The following USP37 variants were observed in gnomAD, a reference collection of about 807,000 sequenced individuals.
USP37 encodes ubiquitin carboxyl-terminal hydrolase 37.
In USP37, 27 loss-of-function variants were observed where a neutral mutation model predicts 124.0. The ratio of observed to expected loss-of-function variants is 0.22; its 90% CI spans 0.16 to 0.30. The LOEUF is 0.30. Ranked by LOEUF, USP37 falls within the 10% of genes least tolerant of loss-of-function variation. The probability of loss-of-function intolerance (pLI) is 1.00; values close to 1 mark genes in which losing one functional copy is unlikely to be tolerated. For missense variants in USP37, 889 were observed against 1,140.4 expected (o/e 0.78, Z 3.17); for synonymous variants, 365 against 388.0 (o/e 0.94, Z 0.70).
chr2:218,557,930 C>CAAAAA (rs61488353), intron 4 of USP37, among the ~76,000 whole-genome samples: 1,389 of 35,628 alleles, frequency 0.039, 158 homozygotes, highest in East Asian at 0.19. Context: ...GACTCTGTCT[C>CAAAAA]AAAAAAAAAA....
At chr2:218,545,739 G>A (rs143227388) in intron 8 of USP37, among the ~76,000 whole-genome samples, 62 of 152,060 alleles carry the variant, frequency 4.1e-4, no homozygotes, top group African/African-American at 1.4e-3. Flanking sequence ...GAGCACCCTG[G>A]GTTGATCTAT....
intron 1 of USP37, among the ~76,000 whole-genome samples, chr2:218,564,305 T>A (rs1693469151): frequency 6.6e-6 from 1 of 152,234 alleles, no homozygotes; most frequent in Non-Finnish European, 1.5e-5. Flanking sequence ...ATGCCATACA[T>A]GCATTATCTC....
At position 218,529,955 on chromosome 2, in the gene USP37, C is replaced by A; in HGVS notation, c.863+1G>T. 1 of 1,603,628 alleles carries A rather than the reference C, an allele frequency of 6.2e-7. No individual in the cohort carries two copies. The highest frequency in any genetic ancestry group is 1.8e-5 in the Admixed American group (1 of 56,232). ...TCACAAGTAATATAACCAATGCATACCTGTCTAAGTTAGTGCCACCAGAAG... is the reference window on the plus strand; with the variant it reads ...TCACAAGTAATATAACCAATGCATAACTGTCTAAGTTAGTGCCACCAGAAG... On this transcript the variant is annotated splice_donor_variant, in intron 10 of 25. Coordinates refer to ENST00000258399, the MANE Select transcript of USP37 (RefSeq NM_020935.3). LOFTEE classifies it high-confidence loss of function.
intron 12 of USP37, 24 bp from the exon 13 acceptor site, chr2:218,497,881 T>A: frequency 6.2e-7 from 1 of 1,608,556 alleles, no homozygotes; most frequent in Non-Finnish European, 8.5e-7. Flanking sequence ...AAACACAAAG[T>A]TAGCACGTTT....
intron 10 of USP37, among the ~76,000 whole-genome samples, chr2:218,520,501 C>CA (rs963186904): frequency 1.5e-4 from 23 of 152,120 alleles, no homozygotes; most frequent in African/African-American, 5.5e-4. Context: ...AGGCATACGC[C>CA]ACCACGCCCA....
chr2:218,527,264 C>T (rs1006192975), intron 10 of USP37, among the ~76,000 whole-genome samples: 3 of 152,192 alleles, frequency 2.0e-5, no homozygotes, highest in Admixed American at 1.3e-4. Flanking sequence ...ATTTTCATGT[C>T]TTTGCACTCT....
At chr2:218,516,225 GAC>G (rs1553549407) in intron 10 of USP37, among the ~76,000 whole-genome samples, 2 of 152,100 alleles carry the variant, frequency 1.3e-5, no homozygotes, top group Non-Finnish European at 2.9e-5. Context: ...CTACTATAAA[GAC>G]ACATGCACAC....
chr2:218,531,915 T>G (rs895919553), intron 9 of USP37, among the ~76,000 whole-genome samples: 51 of 152,340 alleles, frequency 3.3e-4, no homozygotes, highest in African/African-American at 1.2e-3. Flanking sequence ...TGGAGTTGCT[T>G]CCTACGGATG....
At chr2:218,500,682 T>C (rs1048809531) in intron 11 of USP37, 3 of 152,216 alleles carry the variant, frequency 2.0e-5, no homozygotes, top group African/African-American at 7.2e-5. Context: ...GACCTAGCCT[T>C]ATTTTTAATA....
chr2:218,457,244 G>C, intron 23 of USP37, 83 bp from the exon 24 acceptor site: 1 of 1,342,384 alleles, frequency 7.4e-7, no homozygotes, highest in Non-Finnish European at 1.0e-6. Context: ...TATCAAAGCT[G>C]ACATGGCTAA....
intron 8 of USP37, among the ~76,000 whole-genome samples, chr2:218,537,546 C>T (rs553082094): frequency 3.6e-4 from 55 of 152,338 alleles, no homozygotes; most frequent in Non-Finnish European, 6.3e-4. Flanking sequence ...ATAAACAGAA[C>T]CACCCAGGTG....
At chr2:218,518,409 C>T (rs1690417980) in intron 10 of USP37, among the ~76,000 whole-genome samples, 7 of 152,104 alleles carry the variant, frequency 4.6e-5, no homozygotes, top group Admixed American at 4.6e-4. Flanking sequence ...TAAACTATTT[C>T]TTCTAGTAAT....
chr2:218,523,289 T>C (rs906811875), intron 10 of USP37, among the ~76,000 whole-genome samples: 1 of 152,134 alleles, frequency 6.6e-6, no homozygotes, highest in Admixed American at 6.6e-5. Context: ...ATTTCAGATT[T>C]TGAAATATTG....
intron 9 of USP37, among the ~76,000 whole-genome samples, chr2:218,531,118 G>A (rs1225074330): frequency 1.3e-5 from 2 of 152,220 alleles, no homozygotes; most frequent in Non-Finnish European, 2.9e-5. Context: ...CGATGTAGCT[G>A]CAATAGCTTT....
Position 218,546,913 on chromosome 2 carries a change from T to C in USP37, c.602+6A>G. On this transcript the variant is annotated splice_donor_region_variant and intron_variant, in intron 7 of 25. Coordinates refer to ENST00000258399, the MANE Select transcript of USP37 (RefSeq NM_020935.3). ...AGCTAGTGACTAAGAAAAAAGTCTC[T>C]CCTACCGATTTTCTAGCAACCCTGA... is the stretch of plus-strand genomic sequence containing the variant. 1 of 1,605,986 alleles carries C rather than the reference T, an allele frequency of 6.2e-7. No individual in the cohort carries two copies. Among genetic ancestry groups the C allele is most frequent in the Non-Finnish European group, 8.5e-7 (1 of 1,178,208 alleles).
Position 218,486,623 on chromosome 2 carries a change from G to C in USP37, c.1591-880C>G, listed in dbSNP as rs546777958. Among the ~76,000 whole-genome samples, 53 of 152,276 alleles carry C rather than the reference G, an allele frequency of 3.5e-4. No homozygotes were observed. In the South Asian group the frequency reaches 8.5e-3, roughly 24 times the overall value. ...TTTTTAGTAGAAGCAGGGTTTTGCC[G>C]TGTTGGCCAGGCTGGTATTGAACTC... is the stretch of plus-strand genomic sequence containing the variant. On this transcript the variant is annotated intron_variant, in intron 15 of 25. Coordinates refer to ENST00000258399, the MANE Select transcript of USP37 (RefSeq NM_020935.3).
intron 11 of USP37, among the ~76,000 whole-genome samples, chr2:218,508,404 T>C (rs1689798496): frequency 6.6e-6 from 1 of 152,016 alleles, no homozygotes; most frequent in Non-Finnish European, 1.5e-5. Context: ...ATAGGTACTA[T>C]ACAGAAATGA....
At chr2:218,486,788 C>T (rs1691591963) in intron 15 of USP37, among the ~76,000 whole-genome samples, 1 of 151,696 alleles carries the variant, frequency 6.6e-6, no homozygotes, top group Admixed American at 6.6e-5. Context: ...TGCAGTGGCG[C>T]GATCTCGGCT....
At chr2:218,539,556 A>C (rs530771732) in intron 8 of USP37, among the ~76,000 whole-genome samples, 2 of 151,760 alleles carry the variant, frequency 1.3e-5, no homozygotes, top group Non-Finnish European at 2.9e-5. Flanking sequence ...CTCTACAAAA[A>C]ATACAAAAAT....
Sources: gnomAD v4.1 joint callset for allele counts (sites outside exome capture counted in the v4.1 genomes callset) on GRCh38, gnomAD v4.1.1 for gene constraint, MANE v1.5 for transcripts, NCBI Gene and HGNC (gene_info 2026-07-23, HGNC 2026-07-21) for gene names.